The following QTMAN variants were observed in gnomAD, a reference collection of about 807,000 sequenced individuals.
QTMAN encodes tRNA-queuosine alpha-mannosyltransferase.
At chr2:144,174,926 C>G in the QTMAN span, among the ~76,000 whole-genome samples, 8 of 151,988 alleles carry the variant, frequency 5.3e-5, no homozygotes, top group African/African-American at 1.9e-4. Flanking sequence ...AGCAGTAAAA[C>G]CAAAAACAGT....
At chr2:144,317,925 G>A in the QTMAN span, among the ~76,000 whole-genome samples, 1 of 151,400 alleles carries the variant, frequency 6.6e-6, no homozygotes. Flanking sequence ...ATATAGACAG[G>A]TAAACTTAAA....
chr2:144,270,939 T>C, the QTMAN span, among the ~76,000 whole-genome samples: 1 of 152,216 alleles, frequency 6.6e-6, no homozygotes, highest in Non-Finnish European at 1.5e-5. Flanking sequence ...GAGGTTTAAA[T>C]AATAAACTTA....
At chr2:144,059,024 C>CA in the QTMAN span, among the ~76,000 whole-genome samples, 1 of 152,172 alleles carries the variant, frequency 6.6e-6, no homozygotes, top group East Asian at 1.9e-4. Context: ...CTACTCTGCT[C>CA]AAATGTCTTT....
At chr2:144,274,485 G>A in the QTMAN span, among the ~76,000 whole-genome samples, 1 of 152,314 alleles carries the variant, frequency 6.6e-6, no homozygotes, top group East Asian at 1.9e-4. Context: ...CCTTTTGGGA[G>A]GTGACAGGGT....
the QTMAN span, among the ~76,000 whole-genome samples, chr2:144,297,648 T>C: frequency 1.3e-5 from 2 of 150,164 alleles, no homozygotes; most frequent in Non-Finnish European, 3.0e-5. Flanking sequence ...TGGCGCAATC[T>C]TGGCTCACTG....
the QTMAN span, among the ~76,000 whole-genome samples, chr2:144,304,548 A>G: frequency 6.6e-6 from 1 of 152,358 alleles, no homozygotes; most frequent in South Asian, 2.1e-4. Context: ...TGATGGAACA[A>G]ACATACCAGG....
the QTMAN span, among the ~76,000 whole-genome samples, chr2:144,133,650 T>C: frequency 7.0e-6 from 1 of 142,656 alleles, no homozygotes; most frequent in Admixed American, 7.5e-5. Flanking sequence ...AAGAGGAAAA[T>C]GGTTACAACC....
chr2:144,279,736 A>T, the QTMAN span, among the ~76,000 whole-genome samples: 2 of 152,238 alleles, frequency 1.3e-5, no homozygotes, highest in African/African-American at 2.4e-5. Flanking sequence ...ACAATTAGGA[A>T]GATGGTATTC....
the QTMAN span, among the ~76,000 whole-genome samples, chr2:144,132,742 A>G: frequency 6.6e-6 from 1 of 151,926 alleles, no homozygotes; most frequent in Non-Finnish European, 1.5e-5. Flanking sequence ...TTTGCTTTTC[A>G]GGTTGGAGTC....
chr2:144,007,276 C>T, the QTMAN span: 2 of 1,613,190 alleles, frequency 1.2e-6, no homozygotes, highest in Non-Finnish European at 1.7e-6. Context: ...TGTTTATTTT[C>T]ACCATGATGA....
chr2:144,111,251 T>G, the QTMAN span, among the ~76,000 whole-genome samples: 1 of 152,138 alleles, frequency 6.6e-6, no homozygotes, highest in African/African-American at 2.4e-5. Flanking sequence ...GATTCCCACA[T>G]CTAGAGCATG....
chr2:144,098,743 T>C, the QTMAN span, among the ~76,000 whole-genome samples: 28 of 150,650 alleles, frequency 1.9e-4, no homozygotes, highest in Middle Eastern at 6.8e-3. Flanking sequence ...GGAGTCAAAA[T>C]GTAACTCTGA....
At chr2:144,045,030 G>A in the QTMAN span, among the ~76,000 whole-genome samples, 1 of 152,190 alleles carries the variant, frequency 6.6e-6, no homozygotes, top group South Asian at 2.1e-4. Context: ...TCCTCCACAG[G>A]CAAGTCAGAC....
the QTMAN span, among the ~76,000 whole-genome samples, chr2:144,203,216 C>T: frequency 0.15 from 22,736 of 150,970 alleles, 2,767 homozygotes; most frequent in African/African-American, 0.34. Context: ...CACATGTATG[C>T]GCATATGAGA....
At chr2:144,104,074 A>G in the QTMAN span, among the ~76,000 whole-genome samples, 1 of 152,204 alleles carries the variant, frequency 6.6e-6, no homozygotes, top group Non-Finnish European at 1.5e-5. Flanking sequence ...TGGGCAACAG[A>G]GCAAGACTCC....
the QTMAN span, among the ~76,000 whole-genome samples, chr2:144,258,798 GT>G: frequency 6.6e-6 from 1 of 152,294 alleles, no homozygotes; most frequent in Middle Eastern, 3.4e-3. Context: ...GGAGATATGT[GT>G]TAGTATAAAG....
chr2:144,328,671 C>T, the QTMAN span, among the ~76,000 whole-genome samples: 1 of 152,136 alleles, frequency 6.6e-6, no homozygotes, highest in Non-Finnish European at 1.5e-5. Flanking sequence ...GGACTGACAT[C>T]AGAACCAGCA....
At chr2:143,963,185 C>T in the QTMAN span, among the ~76,000 whole-genome samples, 1 of 152,062 alleles carries the variant, frequency 6.6e-6, no homozygotes, top group Non-Finnish European at 1.5e-5. Context: ...GGATTGTTGT[C>T]ATACAAAATG....
the QTMAN span, among the ~76,000 whole-genome samples, chr2:144,046,608 A>G: frequency 6.6e-6 from 1 of 152,228 alleles, no homozygotes. Flanking sequence ...GATACAACAT[A>G]AAACCATTTT....
Sources: gnomAD v4.1 joint callset for allele counts (sites outside exome capture counted in the v4.1 genomes callset) on GRCh38, gnomAD v4.1.1 for gene constraint, MANE v1.5 for transcripts, NCBI Gene and HGNC (gene_info 2026-07-23, HGNC 2026-07-21) for gene names.